The following MYO16 variants were observed in gnomAD, a reference collection of about 807,000 sequenced individuals.
MYO16 encodes the protein unconventional myosin-XVI.
MYO16 carries 94 observed loss-of-function variants against 205.3 expected under a neutral mutation model. The ratio of observed to expected loss-of-function variants is 0.46; its 90% CI spans 0.39 to 0.54. The LOEUF is 0.54. MYO16 is among the 20% of genes least tolerant of loss of function. The probability of loss-of-function intolerance (pLI) is 0.00; values close to 1 mark genes in which losing one functional copy is unlikely to be tolerated. For missense variants in MYO16, 2,315 were observed against 2,387.5 expected, an observed-to-expected ratio of 0.97 and a Z score of 0.63; for synonymous variants, 988 against 954.0, an observed-to-expected ratio of 1.04 and a Z score of -0.66.
intron 4 of MYO16, among the ~76,000 whole-genome samples, chr13:108,775,254 T>C (rs995688644): frequency 4.6e-5 from 7 of 152,230 alleles, no homozygotes; most frequent in African/African-American, 1.7e-4. Flanking sequence ...CTCAGTTTTT[T>C]TATTCACAGC....
rs199688942 is a variant in MYO16 at position 108,727,497 on chromosome 13, G to A, written c.421G>A (p.Val141Ile). The change falls in exon 4 of 35, where the codon GTC becomes ATC. Residue 141 changes from valine (V) to isoleucine (I), a missense_variant. Around this residue, in one of 3 missense-constraint regions of MYO16, gnomAD observed 1,213 missense variants for 1,274.4 expected, o/e 0.95. Transcript: ENST00000457511. ...AEILIDRGVN[V>I]NHQDEDFWTP... Reference sequence around the variant, plus strand: ...AATTCTGATTGACAGAGGAGTCAACGTCAACCACCAGGATGAAGACTTCTG... The same window carrying A: ...AATTCTGATTGACAGAGGAGTCAACATCAACCACCAGGATGAAGACTTCTG... 16 of 1,613,788 alleles carry A rather than the reference G, an allele frequency of 9.9e-6. No individual in the cohort carries two copies. Among genetic ancestry groups the A allele is most frequent in the South Asian group, 8.8e-5 (8 of 91,066 alleles).
Position 108,974,790 on chromosome 13 carries a change from G to A in MYO16, c.2369+9888G>A, listed in dbSNP as rs564650466. ...TTATTTTTAATGGATTTGATTTTCA[G>A]CTCTAAGAGAGTATTTCTCAAGGAT... On this transcript the variant is annotated intron_variant, in intron 20 of 34. Coordinates refer to ENST00000457511, the MANE Select transcript of MYO16 (RefSeq NM_001198950.3). Among the ~76,000 whole-genome samples, 118 of 152,228 alleles carry A rather than the reference G, an allele frequency of 7.8e-4. 1 individual carries two copies. The highest frequency in any genetic ancestry group is 2.7e-3 in the African/African-American group (114 of 41,556).
the MYO16 span, among the ~76,000 whole-genome samples, chr13:108,532,341 C>G: frequency 1.3e-5 from 2 of 151,786 alleles, no homozygotes; most frequent in African/African-American, 4.8e-5. Flanking sequence ...ACAGTATTAA[C>G]AACATGGAAT....
intron 16 of MYO16, among the ~76,000 whole-genome samples, chr13:108,922,186 T>A (rs7319555): frequency 0.32 from 48,190 of 152,010 alleles, 8,383 homozygotes; most frequent in Non-Finnish European, 0.4. Flanking sequence ...ATTTAAATGA[T>A]TTAAAACCTA....
intron 24 of MYO16, chr13:109,049,101 CTG>C (rs1449881008): frequency 1.5e-5 from 1 of 64,830 alleles, no homozygotes; most frequent in Non-Finnish European, 2.8e-5. Context: ...TTTTTTTTTG[CTG>C]TGTGTCTCTG....
chr13:108,679,711 CA>C (rs5806751), intron 2 of MYO16, among the ~76,000 whole-genome samples: 6,462 of 136,036 alleles, frequency 0.048, 210 homozygotes, highest in South Asian at 0.15. Context: ...CTTGGTTCTG[CA>C]AAAAAAAAAA....
At chr13:108,896,038 G>C (rs1880397618) in intron 14 of MYO16, among the ~76,000 whole-genome samples, 1 of 152,110 alleles carries the variant, frequency 6.6e-6, no homozygotes, top group African/African-American at 2.4e-5. Flanking sequence ...CAGTGTTGGG[G>C]TGTGGGGGTA....
intron 15 of MYO16, among the ~76,000 whole-genome samples, chr13:108,901,187 C>G (rs183893975): frequency 6.6e-6 from 1 of 152,266 alleles, no homozygotes; most frequent in Admixed American, 6.5e-5. Flanking sequence ...GTCCTGTGGT[C>G]CTGTGATCTC....
intron 11 of MYO16, among the ~76,000 whole-genome samples, chr13:108,863,277 A>AG (rs1420792739): frequency 6.6e-6 from 1 of 152,122 alleles, no homozygotes; most frequent in African/African-American, 2.4e-5. Context: ...TGCCAATCCC[A>AG]GAAAAAAGCT....
intron 10 of MYO16, among the ~76,000 whole-genome samples, chr13:108,845,192 A>G (rs1291558290): frequency 6.6e-6 from 1 of 152,216 alleles, no homozygotes; most frequent in African/African-American, 2.4e-5. Context: ...GGTTTTCTAA[A>G]GATCTTCTTC....
intron 4 of MYO16, among the ~76,000 whole-genome samples, chr13:108,753,384 A>AAAAACAAAC (rs1555344227): frequency 3.4e-5 from 5 of 145,698 alleles, no homozygotes; most frequent in African/African-American, 1.4e-4. Context: ...AAAAAAAAAA[A>AAAAACAAAC]AAAAAAAAAA....
chr13:108,707,568 G>A (rs955560882), intron 2 of MYO16, among the ~76,000 whole-genome samples: 2 of 152,142 alleles, frequency 1.3e-5, no homozygotes, highest in Non-Finnish European at 2.9e-5. Flanking sequence ...TGTAAGGGAG[G>A]TCTAGCTTAA....
chr13:108,627,571 T>C (rs1332917441), upstream of MYO16, among the ~76,000 whole-genome samples: 4 of 152,146 alleles, frequency 2.6e-5, no homozygotes, highest in African/African-American at 9.6e-5. Flanking sequence ...ATGGAATACA[T>C]GAGTCGATGA....
intron 2 of MYO16, among the ~76,000 whole-genome samples, chr13:108,711,995 T>C (rs1220651006): frequency 2.6e-5 from 4 of 152,204 alleles, no homozygotes; most frequent in Non-Finnish European, 5.9e-5. Flanking sequence ...TAGCAGAGAA[T>C]GGAACACAAT....
intron 28 of MYO16, among the ~76,000 whole-genome samples, chr13:109,117,072 T>C (rs995225356): frequency 1.3e-4 from 20 of 152,262 alleles, no homozygotes; most frequent in African/African-American, 4.1e-4. Flanking sequence ...CCCATGTTTC[T>C]TTTTCCTTTT....
intron 4 of MYO16, among the ~76,000 whole-genome samples, chr13:108,753,701 CTCTTAAGGT>C (rs1885327206): frequency 2.0e-5 from 3 of 152,106 alleles, no homozygotes. Flanking sequence ...CCTGGAGGTG[CTCTTAAGGT>C]GCATTTCTAA....
chr13:108,584,235 A>T, the MYO16 span, among the ~76,000 whole-genome samples: 1 of 152,210 alleles, frequency 6.6e-6, no homozygotes, highest in Non-Finnish European at 1.5e-5. Context: ...TACAGGCATG[A>T]GGCACCGCAC....
the MYO16 span, among the ~76,000 whole-genome samples, chr13:108,520,472 T>C: frequency 1.3e-5 from 2 of 152,206 alleles, no homozygotes; most frequent in Non-Finnish European, 2.9e-5. Flanking sequence ...TTGTTGTGAA[T>C]TTTAATCTCT....
chr13:109,177,605 C>G (rs1329556461), intron 33 of MYO16, among the ~76,000 whole-genome samples: 1 of 152,080 alleles, frequency 6.6e-6, no homozygotes, highest in East Asian at 1.9e-4. Flanking sequence ...TGCAACTCTC[C>G]CTCCCAGGTT....
Sources: allele counts gnomAD v4.1 joint callset (sites outside exome capture counted in the v4.1 genomes callset), GRCh38; gene constraint gnomAD v4.1.1; regional missense constraint gnomAD v4.1.1; transcripts MANE v1.5; gene names NCBI Gene and HGNC (gene_info 2026-07-23, HGNC 2026-07-21).